PLPPR1: variants seen among roughly 807,000 people sequenced by gnomAD.
The protein encoded by PLPPR1 is phospholipid phosphatase-related protein type 1.
In PLPPR1, 10 loss-of-function variants were observed where a neutral mutation model predicts 33.1. That is an observed-to-expected ratio of 0.30 (90% confidence interval 0.19 to 0.51). The LOEUF (loss-of-function observed/expected upper bound fraction) is 0.51. PLPPR1 is among the 20% of genes least tolerant of loss of function. PLPPR1 has a pLI of 0.97. For synonymous variants in PLPPR1, 151 were observed against 151.0 expected, an observed-to-expected ratio of 1.00 and a Z score of 0.00; for missense variants, 304 against 408.1, an observed-to-expected ratio of 0.74 and a Z score of 2.20.
intron 2 of PLPPR1, among the ~76,000 whole-genome samples, chr9:101,202,475 T>A (rs776027980): frequency 5.3e-5 from 8 of 152,232 alleles, no homozygotes; most frequent in Non-Finnish European, 7.3e-5. Context: ...ATCATTTCCA[T>A]CTTCATATCC....
In PLPPR1 at chr9:101,208,792, C is replaced by A. The variant is rs114621459; in HGVS notation, c.63+23235C>A. Among the ~76,000 whole-genome samples the A allele has an allele frequency of 2.8e-3, 420 of 152,218 alleles. 3 individuals are homozygous for A. Among genetic ancestry groups the A allele is most frequent in the African/African-American group, 9.6e-3 (397 of 41,538 alleles). On this transcript the variant is annotated intron_variant, in intron 2 of 7. Coordinates refer to ENST00000374874, the MANE Select transcript of PLPPR1 (RefSeq NM_207299.2). ...AATTCTAATTCATTGTAATTTGGTACCTTTCACATTTACAGAGACAGATCA... is the reference window on the plus strand; with the variant it reads ...AATTCTAATTCATTGTAATTTGGTAACTTTCACATTTACAGAGACAGATCA...
At chr9:101,092,050 T>G (rs1830747995) in intron 1 of PLPPR1, among the ~76,000 whole-genome samples, 1 of 152,174 alleles carries the variant, frequency 6.6e-6, no homozygotes, top group Non-Finnish European at 1.5e-5. Context: ...ACTCTCTCCT[T>G]GCACCCTTTA....
intron 1 of PLPPR1, among the ~76,000 whole-genome samples, chr9:101,120,229 C>G: frequency 6.6e-6 from 1 of 152,188 alleles, no homozygotes; most frequent in East Asian, 1.9e-4. Context: ...ATTTTTACTC[C>G]TGTTAGCACC....
intron 4 of PLPPR1, among the ~76,000 whole-genome samples, chr9:101,307,943 G>A (rs1828884563): frequency 6.6e-6 from 1 of 152,080 alleles, no homozygotes; most frequent in African/African-American, 2.4e-5. Flanking sequence ...GTAATATACA[G>A]GCCTTGAAAT....
chr9:101,186,388 G>C (rs564395152), intron 2 of PLPPR1, among the ~76,000 whole-genome samples: 5 of 151,818 alleles, frequency 3.3e-5, no homozygotes, highest in Admixed American at 1.3e-4. Flanking sequence ...TGAAAAGTAA[G>C]TATCCTGAAC....
intron 1 of PLPPR1, among the ~76,000 whole-genome samples, chr9:101,133,338 G>T (rs1398562309): frequency 6.6e-6 from 1 of 152,114 alleles, no homozygotes; most frequent in African/African-American, 2.4e-5. Flanking sequence ...AAGAAAATTT[G>T]CTGTAATTAA....
intron 1 of PLPPR1, among the ~76,000 whole-genome samples, chr9:101,146,524 C>T (rs1032035817): frequency 1.3e-5 from 2 of 152,202 alleles, no homozygotes; most frequent in Non-Finnish European, 2.9e-5. Context: ...TGTCCCATGT[C>T]CTGTCCTTCT....
chr9:101,034,813 T>C (rs1000470459), intron 1 of PLPPR1, among the ~76,000 whole-genome samples: 6 of 147,184 alleles, frequency 4.1e-5, no homozygotes, highest in Non-Finnish European at 9.0e-5. Flanking sequence ...ATTAAAAAAT[T>C]TGGGGGCGGG....
rs73656166 is a variant in PLPPR1, at chr9:101,136,327, G to A, written c.-45-49123G>A. Among the ~76,000 whole-genome samples, 854 of 152,306 alleles carry A rather than the reference G, an allele frequency of 5.6e-3. 8 individuals are homozygous for A. The highest frequency in any genetic ancestry group is 0.019 in the African/African-American group (798 of 41,568). On this transcript the variant is annotated intron_variant, in intron 1 of 7. Transcript: ENST00000374874. ...TGAATAGCTTATGCGGTCAGTATTA[G>A]AGTTGAGAGAGTAAATACATGTATG...
At chr9:101,296,513 G>A (rs188579664) in intron 4 of PLPPR1, among the ~76,000 whole-genome samples, 7,023 of 151,434 alleles carry the variant, frequency 0.046, 490 homozygotes, top group African/African-American at 0.15. Flanking sequence ...TGTTTATTGC[G>A]GCACTATTCA....
intron 1 of PLPPR1, among the ~76,000 whole-genome samples, chr9:101,067,324 A>T (rs775167982): frequency 9.9e-5 from 15 of 151,946 alleles, no homozygotes; most frequent in Non-Finnish European, 5.9e-5. Context: ...GGTCTGCTTT[A>T]GGATAGGATT....
chr9:101,218,132 C>T (rs940694319), intron 2 of PLPPR1, among the ~76,000 whole-genome samples: 2 of 152,050 alleles, frequency 1.3e-5, no homozygotes, highest in Admixed American at 6.6e-5. Flanking sequence ...CAAGTACGAT[C>T]TATCAATTTT....
At chr9:101,234,711 C>G (rs546769137) in intron 2 of PLPPR1, among the ~76,000 whole-genome samples, 219 of 152,012 alleles carry the variant, frequency 1.4e-3, no homozygotes, top group African/African-American at 4.9e-3. Flanking sequence ...ACCAGAATAC[C>G]TAGCCTTTGT....
At chr9:101,186,367 G>C (rs2118718900) in intron 2 of PLPPR1, among the ~76,000 whole-genome samples, 1 of 151,858 alleles carries the variant, frequency 6.6e-6, no homozygotes, top group Middle Eastern at 3.4e-3. Context: ...AAATATGACA[G>C]TGTAAAGAGC....
intron 1 of PLPPR1, among the ~76,000 whole-genome samples, chr9:101,150,775 C>G (rs1831573246): frequency 6.6e-6 from 1 of 152,146 alleles, no homozygotes; most frequent in Admixed American, 6.6e-5. Flanking sequence ...CACTTCAGAT[C>G]CAGCTCCCTG....
At chr9:101,152,786 G>C (rs1333202390) in intron 1 of PLPPR1, among the ~76,000 whole-genome samples, 1 of 152,154 alleles carries the variant, frequency 6.6e-6, no homozygotes, top group Non-Finnish European at 1.5e-5. Flanking sequence ...GTACCATGCT[G>C]TTTTGGTTAC....
chr9:101,281,232 A>G (rs1828298110), intron 3 of PLPPR1, among the ~76,000 whole-genome samples: 1 of 152,094 alleles, frequency 6.6e-6, no homozygotes, highest in African/African-American at 2.4e-5. Context: ...GAGCTCTACA[A>G]TGAAACTATA....
At chr9:101,086,885 A>T (rs1187108189) in intron 1 of PLPPR1, among the ~76,000 whole-genome samples, 3 of 152,192 alleles carry the variant, frequency 2.0e-5, no homozygotes, top group Non-Finnish European at 4.4e-5. Flanking sequence ...CCAAATAAAA[A>T]AATATTTGAA....
At chr9:101,295,746 C>A (rs997630908) in intron 4 of PLPPR1, among the ~76,000 whole-genome samples, 1 of 151,904 alleles carries the variant, frequency 6.6e-6, no homozygotes, top group Non-Finnish European at 1.5e-5. Flanking sequence ...ACTGGCTAGC[C>A]ATATGTAGAA....
Sources: gnomAD v4.1 joint callset for allele counts (sites outside exome capture counted in the v4.1 genomes callset) on GRCh38, gnomAD v4.1.1 for gene constraint, MANE v1.5 for transcripts, NCBI Gene and HGNC (gene_info 2026-07-23, HGNC 2026-07-21) for gene names.